Variants in LAMA2 observed in about 807,000 individuals in gnomAD.
LAMA2 encodes the protein laminin subunit alpha 2, also known as laminin subunit alpha-2.
In LAMA2, 269 loss-of-function variants were observed where a neutral mutation model predicts 364.8. That is an observed-to-expected ratio of 0.74 (90% CI 0.67 to 0.82). The LOEUF is 0.82. Among genes scored for constraint, LAMA2 ranks in the 40% least tolerant of loss-of-function variants. The probability of loss-of-function intolerance (pLI) is 0.00; values close to 1 mark genes in which losing one functional copy is unlikely to be tolerated. For missense variants in LAMA2, 3,807 were observed against 3,873.2 expected, an observed-to-expected ratio of 0.98 and a Z score of 0.45; for synonymous variants, 1,379 against 1,370.6, an observed-to-expected ratio of 1.01 and a Z score of -0.14.
intron 9 of LAMA2, among the ~76,000 whole-genome samples, chr6:129,167,365 T>C (rs1015068681): frequency 1.2e-4 from 16 of 138,712 alleles, no homozygotes; most frequent in African/African-American, 4.1e-4. Context: ...CCTGTGTCCA[T>C]GTGATAGCAT....
chr6:129,222,205 TA>T (rs1345890076), intron 12 of LAMA2, among the ~76,000 whole-genome samples: 1 of 151,886 alleles, frequency 6.6e-6, no homozygotes, highest in Non-Finnish European at 1.5e-5. Context: ...AATGAAAAAA[TA>T]AAATAGAGTC....
At chr6:129,250,329 A>AG (rs1786086084) in intron 13 of LAMA2, 116 bp downstream of exon 13, 1 of 714,326 alleles carries the variant, frequency 1.4e-6, no homozygotes, top group Non-Finnish European at 2.5e-6. Context: ...CTAAAAAAAA[A>AG]TATACCTTAG....
At chr6:129,217,816 C>T (rs1783525129) in intron 12 of LAMA2, among the ~76,000 whole-genome samples, 1 of 152,094 alleles carries the variant, frequency 6.6e-6, no homozygotes, top group African/African-American at 2.4e-5. Flanking sequence ...AAAGACACCT[C>T]CTATTTATAG....
intron 12 of LAMA2, among the ~76,000 whole-genome samples, chr6:129,233,526 G>T (rs950816955): frequency 6.6e-6 from 1 of 152,082 alleles, no homozygotes. Flanking sequence ...TCATAAGGAA[G>T]ATAAAATATA....
intron 1 of LAMA2, among the ~76,000 whole-genome samples, chr6:128,927,653 G>A (rs1001537572): frequency 1.5e-4 from 23 of 151,968 alleles, no homozygotes; most frequent in African/African-American, 5.1e-4. Flanking sequence ...TTTCTGCTGA[G>A]GGTCCCATCA....
chr6:129,211,917 G>C (rs1783124137), intron 12 of LAMA2, among the ~76,000 whole-genome samples: 1 of 152,090 alleles, frequency 6.6e-6, no homozygotes, highest in African/African-American at 2.4e-5. Context: ...GGAGACCTTA[G>C]GAACTTAATA....
chr6:129,190,354 G>T lies in LAMA2; in HGVS notation c.1608+9G>T, dbSNP rs374824990. The T allele has an allele frequency of 6.2e-7, 1 of 1,612,694 alleles. No individual in the cohort carries two copies. The highest frequency in any genetic ancestry group is 8.5e-7 in the Non-Finnish European group (1 of 1,178,942). Reference sequence around the variant, plus strand: ...ACTGGACCTATGGCAAAGTAAGCAAGCACCATTTGGTTCTGTTTGCTGCCC... The same window carrying T: ...ACTGGACCTATGGCAAAGTAAGCAATCACCATTTGGTTCTGTTTGCTGCCC... On this transcript the variant is annotated intron_variant, in intron 11 of 64. Coordinates refer to ENST00000421865, the MANE Select transcript of LAMA2 (RefSeq NM_000426.4).
At chr6:129,492,243 C>T (rs1017394791) in intron 57 of LAMA2, 72 bp from the exon 58 acceptor site, 24 of 1,511,548 alleles carry the variant, frequency 1.6e-5, no homozygotes, top group Middle Eastern at 2.0e-4. Context: ...AAAAGGCATG[C>T]GGGGATTGGG....
At chr6:129,180,243 A>G (rs1210713912) in intron 10 of LAMA2, among the ~76,000 whole-genome samples, 1 of 152,138 alleles carries the variant, frequency 6.6e-6, no homozygotes, top group Non-Finnish European at 1.5e-5. Context: ...TATAAATTCA[A>G]ATTAAATGAC....
intron 8 of LAMA2, among the ~76,000 whole-genome samples, chr6:129,162,481 G>C (rs1779497594): frequency 6.6e-6 from 1 of 151,656 alleles, no homozygotes. Flanking sequence ...GTAGTGCAGA[G>C]CTGCTGGTGA....
chr6:129,364,556 T>A (rs574318549), intron 32 of LAMA2, among the ~76,000 whole-genome samples: 3 of 152,308 alleles, frequency 2.0e-5, no homozygotes, highest in East Asian at 1.9e-4. Context: ...ACATGTTTTT[T>A]AAATCTGCTA....
chr6:129,406,822 A>T (rs1441830381), intron 40 of LAMA2, among the ~76,000 whole-genome samples: 1 of 152,168 alleles, frequency 6.6e-6, no homozygotes, highest in Admixed American at 6.5e-5. Context: ...TCACAAGATG[A>T]AGTCCCACAA....
rs775183456 is a variant in LAMA2 at position 129,297,740 on chromosome 6, C to G, written c.2912C>G (p.Ser971Cys). ...ARGCVPCNCN[S>C]FGSKSFDCEE... ...GGCTGTGTTCCCTGCAACTGCAATT[C>G]TTTTGGGTCTAAGTCATTCGACTGT... The change falls in exon 21 of 65, where the codon TCT becomes TGT. Residue 971 changes from serine to cysteine, a missense_variant. Coordinates refer to ENST00000421865, the MANE Select transcript of LAMA2 (RefSeq NM_000426.4). 6.2e-7 allele frequency: 1 copy of G among 1,614,120 alleles called. No individual in the cohort carries two copies. Among genetic ancestry groups the G allele is most frequent in the East Asian group, 2.2e-5 (1 of 44,876 alleles).
intron 37 of LAMA2, among the ~76,000 whole-genome samples, chr6:129,398,826 T>C (rs1328856108): frequency 2.0e-5 from 3 of 152,212 alleles, no homozygotes; most frequent in African/African-American, 7.2e-5. Context: ...ATCTACATAC[T>C]AGAGATAGTG....
intron 32 of LAMA2, among the ~76,000 whole-genome samples, chr6:129,365,123 T>C (rs1777686016): frequency 6.6e-6 from 1 of 152,190 alleles, no homozygotes; most frequent in Non-Finnish European, 1.5e-5. Context: ...ATCCAAACCA[T>C]ATCTGGTAGA....
At chr6:129,397,774 T>C (rs1310821180) in intron 37 of LAMA2, among the ~76,000 whole-genome samples, 1 of 150,188 alleles carries the variant, frequency 6.7e-6, no homozygotes, top group African/African-American at 2.5e-5. Context: ...TAAAAAAAAA[T>C]ACAAAAATAA....
At chr6:128,996,945 C>T (rs1464940184) in intron 1 of LAMA2, among the ~76,000 whole-genome samples, 3 of 152,182 alleles carry the variant, frequency 2.0e-5, no homozygotes, top group Admixed American at 1.3e-4. Context: ...ACTAGGCAGC[C>T]GTGAAAAAGG....
intron 41 of LAMA2, among the ~76,000 whole-genome samples, chr6:129,430,708 G>A (rs572868139): frequency 6.6e-6 from 1 of 152,174 alleles, no homozygotes; most frequent in African/African-American, 2.4e-5. Context: ...CTCATGCCCT[G>A]TAATTCCAGC....
At chr6:129,226,199 C>G (rs1437478523) in intron 12 of LAMA2, among the ~76,000 whole-genome samples, 3 of 152,150 alleles carry the variant, frequency 2.0e-5, no homozygotes, top group Non-Finnish European at 4.4e-5. Flanking sequence ...AGATCTTCCT[C>G]CATCCCTTTA....
Sources: gnomAD v4.1 joint callset for allele counts (sites outside exome capture counted in the v4.1 genomes callset) on GRCh38, gnomAD v4.1.1 for gene constraint, MANE v1.5 for transcripts, NCBI Gene and HGNC (gene_info 2026-07-23, HGNC 2026-07-21) for gene names.